Variants in GPM6B observed in about 807,000 individuals in gnomAD.
GPM6B encodes neuronal membrane glycoprotein M6-b.
GPM6B carries 4 observed loss-of-function variants against 27.2 expected under a neutral mutation model. That is an observed-to-expected ratio of 0.15 (90% CI 0.07 to 0.34). The LOEUF (loss-of-function observed/expected upper bound fraction) is 0.34, where lower values mean the gene tolerates loss of function less well. GPM6B is among the 10% of genes least tolerant of loss of function. The pLI is 1.00. For missense variants in GPM6B, 183 were observed against 261.9 expected (o/e 0.70, Z 2.08); for synonymous variants, 124 against 103.1 (o/e 1.20, Z -1.23).
At chrX:13,848,345 A>G (rs2049674535) in intron 1 of GPM6B, among the ~76,000 whole-genome samples, 2 of 111,555 alleles carry the variant, frequency 1.8e-5, no homozygotes, top group African/African-American at 3.3e-5. Flanking sequence ...TTTACCCTGA[A>G]AGCAATCCTC....
At chrX:13,858,569 A>T (rs1037390794) in intron 1 of GPM6B, among the ~76,000 whole-genome samples, 16 of 111,648 alleles carry the variant, frequency 1.4e-4, no homozygotes, top group African/African-American at 4.9e-4. Flanking sequence ...CTGCAACCTT[A>T]TTTGTGAAGC....
chrX:13,802,171 TATAAC>T (rs1314599547), intron 2 of GPM6B, among the ~76,000 whole-genome samples: 2 of 68,217 alleles, frequency 2.9e-5, no homozygotes, highest in Admixed American at 4.9e-4. Flanking sequence ...TATGAAAACA[TATAAC>T]ATAAGGGACA....
At chrX:13,880,856 AGC>A (rs2050090041) in intron 1 of GPM6B, among the ~76,000 whole-genome samples, 1 of 109,677 alleles carries the variant, frequency 9.1e-6, no homozygotes, top group African/African-American at 3.3e-5. Flanking sequence ...CAAACACAGG[AGC>A]CAGCTTTCAG....
At chrX:13,828,851 C>T (rs1463113348) in intron 1 of GPM6B, among the ~76,000 whole-genome samples, 2 of 111,711 alleles carry the variant, frequency 1.8e-5, no homozygotes, top group African/African-American at 6.5e-5. Flanking sequence ...ATGACAGTAT[C>T]CATCCCCCTT....
intron 1 of GPM6B, among the ~76,000 whole-genome samples, chrX:13,931,428 C>T (rs1921544953): frequency 9.2e-6 from 1 of 108,759 alleles, no homozygotes; most frequent in Admixed American, 9.8e-5. Flanking sequence ...GCAGAGCTTG[C>T]AGTGAGCCGA....
chrX:13,834,882 C>G (rs1004792263), intron 1 of GPM6B, among the ~76,000 whole-genome samples: 8 of 112,333 alleles, frequency 7.1e-5, no homozygotes, highest in Non-Finnish European at 1.5e-4. Flanking sequence ...CAGTTAATAA[C>G]TCATCTGTTT....
chrX:13,836,434 C>G (rs1349160444), intron 1 of GPM6B, among the ~76,000 whole-genome samples: 2 of 112,195 alleles, frequency 1.8e-5, no homozygotes, highest in East Asian at 5.5e-4. Flanking sequence ...TGAATGAGCT[C>G]TAACCCTAGT....
chrX:13,850,780 ATTG>A (rs2049706559), intron 1 of GPM6B, among the ~76,000 whole-genome samples: 1 of 112,515 alleles, frequency 8.9e-6, no homozygotes, highest in Admixed American at 9.4e-5. Flanking sequence ...GAATAAAAGC[ATTG>A]TTTTTATTGG....
intron 1 of GPM6B, among the ~76,000 whole-genome samples, chrX:13,866,290 G>C (rs1050759511): frequency 1.8e-5 from 2 of 112,453 alleles, no homozygotes; most frequent in African/African-American, 6.5e-5. Flanking sequence ...TTGAACCTGG[G>C]AGGCGGAGGT....
chrX:13,780,013 C>T (rs1397544590), intron 4 of GPM6B, 24 bp from the exon 5 acceptor site: 4 of 1,144,380 alleles, frequency 3.5e-6, no homozygotes, highest in Non-Finnish European at 4.7e-6. Context: ...AGAGGAAGGA[C>T]AATCATCACT....
intron 1 of GPM6B, among the ~76,000 whole-genome samples, chrX:13,846,426 T>C (rs187793584): frequency 8.9e-6 from 1 of 111,835 alleles, no homozygotes; most frequent in East Asian, 2.8e-4. Context: ...TATAGAGAAG[T>C]GTAAGGAAAT....
chrX:13,827,893 T>C (rs1375695399), intron 1 of GPM6B, among the ~76,000 whole-genome samples: 3 of 111,780 alleles, frequency 2.7e-5, no homozygotes, highest in African/African-American at 9.8e-5. Context: ...GCCTTCAACA[T>C]GCAGGAGTTG....
At chrX:13,934,254 T>C (rs1478662355) in intron 1 of GPM6B, among the ~76,000 whole-genome samples, 1 of 111,555 alleles carries the variant, frequency 9.0e-6, no homozygotes, top group Non-Finnish European at 1.9e-5. Context: ...GGTGGGCTCC[T>C]TACTAGATCT....
chrX:13,889,300 A>G (rs2050166873), intron 1 of GPM6B, among the ~76,000 whole-genome samples: 1 of 112,030 alleles, frequency 8.9e-6, no homozygotes, highest in African/African-American at 3.3e-5. Context: ...ATGTGTGGAT[A>G]ATGGCTAATT....
At chrX:13,827,539 T>G (rs2049390817) in intron 1 of GPM6B, among the ~76,000 whole-genome samples, 1 of 111,521 alleles carries the variant, frequency 9.0e-6, no homozygotes, top group Non-Finnish European at 1.9e-5. Flanking sequence ...GAAAGGACAC[T>G]CATCTGCCTT....
chrX:13,921,371 C>T (rs1221610097), intron 1 of GPM6B, among the ~76,000 whole-genome samples: 1 of 112,035 alleles, frequency 8.9e-6, no homozygotes, highest in Non-Finnish European at 1.9e-5. Flanking sequence ...TGGTCTTACA[C>T]TACTTTAGTA....
chrX:13,780,804 C>A, intron 4 of GPM6B: 1 of 175,081 alleles, frequency 5.7e-6, no homozygotes, highest in South Asian at 7.2e-5. Context: ...TATTTGTGTT[C>A]TCAGAAGGCG....
intron 1 of GPM6B, among the ~76,000 whole-genome samples, chrX:13,843,648 T>A (rs1338679624): frequency 8.9e-6 from 1 of 112,519 alleles, no homozygotes; most frequent in African/African-American, 3.2e-5. Flanking sequence ...GGGTGTGAAG[T>A]GATATCTCAT....
intron 2 of GPM6B, among the ~76,000 whole-genome samples, chrX:13,805,056 G>T (rs2048998149): frequency 9.0e-6 from 1 of 111,485 alleles, no homozygotes; most frequent in Non-Finnish European, 1.9e-5. Context: ...CCCCGTGGAG[G>T]CATCTTTTTT....
Sources: gnomAD v4.1 joint callset for allele counts (sites outside exome capture counted in the v4.1 genomes callset) on GRCh38, gnomAD v4.1.1 for gene constraint, MANE v1.5 for transcripts, NCBI Gene and HGNC (gene_info 2026-07-23, HGNC 2026-07-21) for gene names.